Variants in NCOA6 observed in about 807,000 individuals in gnomAD.
NCOA6 encodes the protein nuclear receptor coactivator 6, also known as NRC RAP250.
In NCOA6, 49 loss-of-function variants were observed where a neutral mutation model predicts 171.4. The ratio of observed to expected loss-of-function variants is 0.29; its 90% confidence interval spans 0.23 to 0.36. The LOEUF is 0.36. NCOA6 is among the 10% of genes least tolerant of loss of function. NCOA6 has a pLI of 1.00. For missense variants in NCOA6, 2,248 were observed against 2,554.5 expected, an observed-to-expected ratio of 0.88 and a Z score of 2.59; for synonymous variants, 910 against 927.5, an observed-to-expected ratio of 0.98 and a Z score of 0.34.
Position 34,742,102 on chromosome 20 carries a change from G to A in NCOA6, c.4154C>T (p.Pro1385Leu). 1 of 1,614,212 alleles carries A rather than the reference G, an allele frequency of 6.2e-7. No homozygotes were observed. Among genetic ancestry groups the A allele is most frequent in the Non-Finnish European group, 8.5e-7 (1 of 1,180,036 alleles). ...LVSPTPLANPPVPGSFPNNSG... is the reference protein window; with the variant it reads ...LVSPTPLANPLVPGSFPNNSG... ...GTTGTTAGGAAAGCTCCCAGGTACAGGGGGATTGGCCAGAGGAGTGGGACT... is the reference window on the plus strand; with the variant it reads ...GTTGTTAGGAAAGCTCCCAGGTACAAGGGGATTGGCCAGAGGAGTGGGACT... Residue 1385 changes from proline (P) to leucine (L), a missense_variant, in exon 11 of 15, where the codon CCT becomes CTT. Physicochemically the swap from Pro to Leu is moderately conservative, Grantham distance 98. Coordinates refer to ENST00000359003, the MANE Select transcript of NCOA6 (RefSeq NM_014071.5).
intron 2 of NCOA6, among the ~76,000 whole-genome samples, chr20:34,791,604 C>G (rs140550626): frequency 6.6e-6 from 1 of 152,270 alleles, no homozygotes; most frequent in East Asian, 1.9e-4. Context: ...AAAAAACTTT[C>G]TAGATACAAA....
chr20:34,791,242 T>A (rs2077872115), intron 2 of NCOA6, among the ~76,000 whole-genome samples: 1 of 152,354 alleles, frequency 6.6e-6, no homozygotes, highest in South Asian at 2.1e-4. Context: ...ATACAGAAAG[T>A]AGCACATTTA....
rs1314110005 is a variant in NCOA6, at chr20:34,768,515, C to G, written c.463G>C (p.Ala155Pro). 1.2e-6 allele frequency: 2 copies of G among 1,614,186 alleles called. No homozygotes were observed. The highest frequency in any genetic ancestry group is 2.7e-5 in the African/African-American group (2 of 75,050). The change falls in exon 5 of 15, where the codon GCT becomes CCT. Residue 155 changes from alanine to proline, a missense_variant. By Grantham distance (27) the Ala-to-Pro change is conservative. Coordinates refer to ENST00000359003, the MANE Select transcript of NCOA6 (RefSeq NM_014071.5). ...QDVRMNGPMG[A>P]GNSVRMEAGF... is the part of the protein sequence containing the mutation. ...GCCTCCATCCTAACTGAATTTCCAG[C>G]TCCCATGGGTCCATTCATTCTCACA...
intron 1 of NCOA6, among the ~76,000 whole-genome samples, chr20:34,822,297 C>CA (rs1295275758): frequency 6.6e-6 from 1 of 152,184 alleles, no homozygotes; most frequent in African/African-American, 2.4e-5. Flanking sequence ...AGGTCCTTCA[C>CA]AACCAGGTTC....
rs2076203747 is a variant in NCOA6, at chr20:34,743,206, G to A, written c.3050C>T (p.Pro1017Leu). The A allele has an allele frequency of 1.9e-6, 3 of 1,614,002 alleles. No homozygotes were observed. In the East Asian group the frequency reaches 6.7e-5, roughly 36 times the overall value. The change falls in exon 11 of 15, where the codon CCT becomes CTT. Residue 1017 changes from proline to leucine, a missense_variant. By Grantham distance (98) the Pro-to-Leu change is moderately conservative. Around this residue, in one of 7 missense-constraint regions of NCOA6, gnomAD observed 352 missense variants for 419.1 expected, o/e 0.84. Transcript: ENST00000359003. ...CTGCTGAGACTGTGGCTGACTGGGAGGTGGTGGCTGCTGCTGCTGAGGCAG... is the reference window on the plus strand; with the variant it reads ...CTGCTGAGACTGTGGCTGACTGGGAAGTGGTGGCTGCTGCTGCTGAGGCAG... ...PQLPQQQQPP[P>L]PSQPQSQQQQ...
intron 5 of NCOA6, among the ~76,000 whole-genome samples, chr20:34,767,793 G>A (rs2077026076): frequency 6.6e-6 from 1 of 152,174 alleles, no homozygotes; most frequent in Non-Finnish European, 1.5e-5. Flanking sequence ...AGTGAAAAAA[G>A]CACTGAACTG....
At chr20:34,810,275 T>C (rs1408805873) in intron 1 of NCOA6, among the ~76,000 whole-genome samples, 1 of 152,238 alleles carries the variant, frequency 6.6e-6, no homozygotes, top group Non-Finnish European at 1.5e-5. Flanking sequence ...GTCACAGATA[T>C]AGTTAGCTAC....
In NCOA6 at chr20:34,750,115, G is replaced by A. The variant is rs762131856; in HGVS notation, c.2080C>T (p.Pro694Ser). 6.8e-6 allele frequency: 11 copies of A among 1,614,072 alleles called. No individual in the cohort carries two copies. The Admixed American group carries it at 1.8e-4, about 27-fold the overall frequency. ...TGAGGCCCCATCATCTGGTTATGTGGCGCCATCATTTGTGGGCCCTGCTGG... is the reference window on the plus strand; with the variant it reads ...TGAGGCCCCATCATCTGGTTATGTGACGCCATCATTTGTGGGCCCTGCTGG... ...LSQQGPQMMA[P>S]HNQMMGPQGQ... The change falls in exon 9 of 15, where the codon CCA (proline) becomes TCA (serine). Residue 694 changes from proline to serine, a missense_variant. By Grantham distance (74) the Pro-to-Ser change is moderately conservative (BLOSUM62 -1). Transcript: ENST00000359003.
At chr20:34,781,504 G>A (rs1337141050) in intron 3 of NCOA6, among the ~76,000 whole-genome samples, 2 of 152,170 alleles carry the variant, frequency 1.3e-5, no homozygotes, top group Non-Finnish European at 2.9e-5. Flanking sequence ...GGGAGAGAGG[G>A]AGAACTCAAT....
intron 11 of NCOA6, among the ~76,000 whole-genome samples, chr20:34,739,774 A>G (rs1283827236): frequency 3.3e-5 from 5 of 152,254 alleles, no homozygotes; most frequent in Admixed American, 1.3e-4. Flanking sequence ...GCAAGACAAC[A>G]TATGTAAAAA....
At chr20:34,723,494 CTG>C in intron 14 of NCOA6, among the ~76,000 whole-genome samples, 1 of 152,282 alleles carries the variant, frequency 6.6e-6, no homozygotes, top group South Asian at 2.1e-4. Flanking sequence ...CTATACATGA[CTG>C]TGATTCCAGG....
chr20:34,737,427 T>C (rs745900553), intron 11 of NCOA6, among the ~76,000 whole-genome samples: 10 of 152,230 alleles, frequency 6.6e-5, no homozygotes, highest in Non-Finnish European at 1.2e-4. Context: ...AGATAAGATA[T>C]ATACATGTAG....
chr20:34,739,616 C>A (rs1463529571), intron 11 of NCOA6, among the ~76,000 whole-genome samples: 1 of 152,198 alleles, frequency 6.6e-6, no homozygotes, highest in Non-Finnish European at 1.5e-5. Flanking sequence ...AGAGAATCTG[C>A]AGAAGCTGCT....
Position 34,742,732 on chromosome 20 carries a change from G to T in NCOA6, c.3524C>A (p.Ala1175Glu), listed in dbSNP as rs1473122382. ...GPKPGPSPLS[A>E]TQGATPQQPP... ...TTGCTGGGGAGTTGCACCTTGAGTTGCTGAAAGGGGCGATGGTCCAGGTTT... is the reference window on the plus strand; with the variant it reads ...TTGCTGGGGAGTTGCACCTTGAGTTTCTGAAAGGGGCGATGGTCCAGGTTT... The change falls in exon 11 of 15, where the codon GCA becomes GAA. Residue 1175 changes from alanine to glutamate, a missense_variant. Ala to Glu is a moderately radical substitution (Grantham distance 107). Transcript: ENST00000359003. 4.3e-6 allele frequency: 7 copies of T among 1,614,030 alleles called. No individual in the cohort carries two copies. The highest frequency in any genetic ancestry group is 5.9e-6 in the Non-Finnish European group (7 of 1,180,036).
chr20:34,798,623 AGACG>A (rs1227759914), intron 1 of NCOA6, among the ~76,000 whole-genome samples: 2 of 152,202 alleles, frequency 1.3e-5, no homozygotes, highest in South Asian at 2.1e-4. Flanking sequence ...AGCTCAGCAT[AGACG>A]GACAAATTCC....
rs757970919 is a variant in NCOA6, at chr20:34,715,308, G to A, written c.*14C>T. 1.4e-5 allele frequency: 23 copies of A among 1,613,614 alleles called. No individual in the cohort carries two copies. The highest frequency in any genetic ancestry group is 5.5e-5 in the South Asian group (5 of 91,074). ...CACACACATTTCCAAGTATCAAGTC[G>A]CAGTCCTGCTTGTTTACTTGGATTT... On this transcript the variant is annotated 3_prime_UTR_variant, in exon 15 of 15. Coordinates refer to ENST00000359003, the MANE Select transcript of NCOA6 (RefSeq NM_014071.5).
intron 10 of NCOA6, among the ~76,000 whole-genome samples, chr20:34,745,174 G>A (rs2076267077): frequency 2.0e-5 from 3 of 152,176 alleles, no homozygotes; most frequent in Non-Finnish European, 4.4e-5. Context: ...GAATAGAAGT[G>A]GACTGGTATA....
intron 3 of NCOA6, among the ~76,000 whole-genome samples, chr20:34,779,277 G>A (rs769501991): frequency 3.9e-5 from 6 of 152,138 alleles, no homozygotes; most frequent in African/African-American, 4.8e-5. Context: ...TTGGGAGGCC[G>A]AGGCGGGCAG....
At chr20:34,775,305 G>GGT (rs112658298) in intron 4 of NCOA6, among the ~76,000 whole-genome samples, 6,467 of 148,246 alleles carry the variant, frequency 0.044, 307 homozygotes, top group African/African-American at 0.12. Context: ...TAGGGGTGTA[G>GGT]GTGTGTGTGT....
Sources: allele counts gnomAD v4.1 joint callset (sites outside exome capture counted in the v4.1 genomes callset), GRCh38; gene constraint gnomAD v4.1.1; regional missense constraint gnomAD v4.1.1; transcripts MANE v1.5; gene names NCBI Gene and HGNC (gene_info 2026-07-23, HGNC 2026-07-21).